EXOC6: variants seen among roughly 807,000 people sequenced by gnomAD.
The protein encoded by EXOC6 is SEC15-like 1.
In EXOC6, 60 loss-of-function variants were observed where a neutral mutation model predicts 112.5. The ratio of observed to expected loss-of-function variants is 0.53; its 90% CI spans 0.43 to 0.66. The LOEUF is 0.66. Among genes scored for constraint, EXOC6 ranks in the 30% least tolerant of loss-of-function variants. EXOC6 has a pLI of 0.00. For synonymous variants in EXOC6, 295 were observed against 308.0 expected, an observed-to-expected ratio of 0.96 and a Z score of 0.44; for missense variants, 855 against 957.1, an observed-to-expected ratio of 0.89 and a Z score of 1.41.
At chr10:93,008,727 T>G (rs1053958332) in intron 19 of EXOC6, among the ~76,000 whole-genome samples, 6 of 152,202 alleles carry the variant, frequency 3.9e-5, no homozygotes, top group African/African-American at 1.4e-4. Context: ...ATTTATTGAC[T>G]GTTTCCTAGG....
intron 9 of EXOC6, among the ~76,000 whole-genome samples, chr10:92,933,498 C>G (rs1050670834): frequency 5.9e-5 from 9 of 152,046 alleles, no homozygotes; most frequent in Non-Finnish European, 1.0e-4. Context: ...TAAGCTAAAA[C>G]GTATTAATAA....
chr10:92,872,767 A>G (rs1848514264), intron 1 of EXOC6, among the ~76,000 whole-genome samples: 1 of 58,534 alleles, frequency 1.7e-5, no homozygotes, highest in South Asian at 4.4e-4. Flanking sequence ...AAATGCACAA[A>G]TAATAAGTGT....
At chr10:92,991,039 TTTGC>T (rs1165297075) in intron 18 of EXOC6, among the ~76,000 whole-genome samples, 1 of 152,128 alleles carries the variant, frequency 6.6e-6, no homozygotes, top group Non-Finnish European at 1.5e-5. Context: ...GGGAAGCCAG[TTTGC>T]TTGAGTGACA....
rs980325749 is a variant in EXOC6 at position 93,050,909 on chromosome 10, T to C, written c.2170-6015T>C. On this transcript the variant is annotated intron_variant, in intron 20 of 21. Coordinates refer to ENST00000260762, the MANE Select transcript of EXOC6 (RefSeq NM_019053.6). ...ACAGAAAACACAAAAAACAAATAAG[T>C]AAGGAGTTAAACATGGTTACTTCTG... Among the ~76,000 whole-genome samples, 6 of 151,698 alleles carry C rather than the reference T, an allele frequency of 4.0e-5. No homozygotes were observed. The East Asian group carries it at 1.2e-3, about 29-fold the overall frequency.
intron 20 of EXOC6, among the ~76,000 whole-genome samples, chr10:93,036,011 G>A (rs1303489899): frequency 1.3e-5 from 2 of 151,884 alleles, no homozygotes; most frequent in Admixed American, 6.6e-5. Flanking sequence ...ACCGAAGGTC[G>A]GGAGTTCAAG....
chr10:92,971,964 T>G lies in EXOC6; in HGVS notation c.1774-2089T>G, dbSNP rs1004726763. ...GTTTGTTGTTTCTCCCATCTGTTGT[T>G]TGTTTTGTGACCTTTCTGAACTAAA... On this transcript the variant is annotated intron_variant, in intron 17 of 21. Transcript: ENST00000260762. Among the ~76,000 whole-genome samples, 3 of 152,210 alleles carry G rather than the reference T, an allele frequency of 2.0e-5. No individual in the cohort carries two copies. In the South Asian group the frequency reaches 6.2e-4, roughly 32 times the overall value.
chr10:92,946,974 TTGTG>T (rs1241743306), intron 13 of EXOC6, among the ~76,000 whole-genome samples: 1 of 152,216 alleles, frequency 6.6e-6, no homozygotes, highest in African/African-American at 2.4e-5. Flanking sequence ...TATAATTTGT[TTGTG>T]TATCTATCTC....
At chr10:93,036,047 C>G (rs1845499496) in intron 20 of EXOC6, among the ~76,000 whole-genome samples, 1 of 152,106 alleles carries the variant, frequency 6.6e-6, no homozygotes, top group South Asian at 2.1e-4. Context: ...ATGGAGAAAC[C>G]CCATCTCTAC....
chr10:92,969,462 A>G (rs1410232025), intron 17 of EXOC6, among the ~76,000 whole-genome samples: 6 of 152,078 alleles, frequency 3.9e-5, no homozygotes, highest in African/African-American at 1.4e-4. Flanking sequence ...ATAACAAAAT[A>G]TTTGTTATTT....
chr10:92,984,952 T>C (rs1842947491), intron 18 of EXOC6, among the ~76,000 whole-genome samples: 1 of 152,080 alleles, frequency 6.6e-6, no homozygotes, highest in African/African-American at 2.4e-5. Flanking sequence ...TGAGCCATGA[T>C]TGCATCACTG....
chr10:92,950,852 G>T (rs543876189), intron 14 of EXOC6, among the ~76,000 whole-genome samples: 2 of 152,310 alleles, frequency 1.3e-5, no homozygotes, highest in African/African-American at 4.8e-5. Flanking sequence ...AAGACTGGTG[G>T]CAGGGAGACC....
intron 6 of EXOC6, among the ~76,000 whole-genome samples, chr10:92,911,921 C>G (rs61862275): frequency 1.8e-4 from 23 of 128,338 alleles, no homozygotes; most frequent in African/African-American, 5.9e-4. Context: ...CTCTCTCTCT[C>G]TCTCTCTCTC....
rs1851838296 is a variant in EXOC6 at position 92,928,384 on chromosome 10, A to C, written c.934A>C (p.Lys312Gln). 3.1e-6 allele frequency: 5 copies of C among 1,610,922 alleles called. No homozygotes were observed. Among genetic ancestry groups the C allele is most frequent in the Non-Finnish European group, 4.2e-6 (5 of 1,178,362 alleles). Reference sequence around the variant, plus strand: ...AAACTATTATCGAAAACAAAGAAAGAAACAAGCAAGACTGGTATTGCAACC... The same window carrying C: ...AAACTATTATCGAAAACAAAGAAAGCAACAAGCAAGACTGGTATTGCAACC... The part of the protein sequence containing the change: ...FENYYRKQRK[K>Q]QARLVLQPQS... Residue 312 changes from lysine to glutamine, a missense_variant, in exon 9 of 22, where the codon AAA becomes CAA. Physicochemically the swap from Lys to Gln is moderately conservative, Grantham distance 53 (BLOSUM62 1). Coordinates refer to ENST00000260762, the MANE Select transcript of EXOC6 (RefSeq NM_019053.6).
chr10:92,843,162 G>C (rs1291513441), intron 1 of EXOC6, among the ~76,000 whole-genome samples: 1 of 152,108 alleles, frequency 6.6e-6, no homozygotes, highest in Non-Finnish European at 1.5e-5. Flanking sequence ...GTTCTCCACC[G>C]TGGGGTCCAG....
intron 5 of EXOC6, among the ~76,000 whole-genome samples, chr10:92,904,241 T>C (rs1219514640): frequency 6.6e-6 from 1 of 152,082 alleles, no homozygotes; most frequent in Non-Finnish European, 1.5e-5. Flanking sequence ...TTTTGGCAAT[T>C]GTGAATAAAG....
chr10:92,996,471 G>T (rs1359151937), intron 18 of EXOC6, among the ~76,000 whole-genome samples: 2 of 152,096 alleles, frequency 1.3e-5, no homozygotes, highest in African/African-American at 2.4e-5. Context: ...CAAAAAATTA[G>T]CCAGGCGTGG....
chr10:93,042,839 T>G (rs1240360895), intron 20 of EXOC6, among the ~76,000 whole-genome samples: 1 of 152,122 alleles, frequency 6.6e-6, no homozygotes, highest in East Asian at 1.9e-4. Context: ...GATTAAGTGA[T>G]ACAAAGGAAG....
intron 19 of EXOC6, among the ~76,000 whole-genome samples, chr10:93,009,077 A>G (rs1844124595): frequency 6.6e-6 from 1 of 151,956 alleles, no homozygotes; most frequent in Non-Finnish European, 1.5e-5. Context: ...AAATAACCAG[A>G]CATGATGGCA....
chr10:92,999,544 CCA>C (rs1477034054), intron 19 of EXOC6, among the ~76,000 whole-genome samples: 2 of 152,114 alleles, frequency 1.3e-5, no homozygotes, highest in African/African-American at 2.4e-5. Flanking sequence ...TCCCTCTTAT[CCA>C]CAGTTTTGCT....
Sources: allele counts gnomAD v4.1 joint callset (sites outside exome capture counted in the v4.1 genomes callset), GRCh38; gene constraint gnomAD v4.1.1; transcripts MANE v1.5; gene names NCBI Gene and HGNC (gene_info 2026-07-23, HGNC 2026-07-21).